Variants in SMURF1 observed in about 807,000 individuals in gnomAD.
SMURF1 encodes SMAD specific E3 ubiquitin protein ligase 1, also known as E3 ubiquitin-protein ligase SMURF1.
In SMURF1, 44 loss-of-function variants were observed where a neutral mutation model predicts 98.0. The observed-to-expected ratio is 0.45, with a 90% CI of 0.35 to 0.58. The LOEUF is 0.58. Ranked by LOEUF, SMURF1 falls within the 20% of genes least tolerant of loss-of-function variation. The pLI is 0.00. For missense variants in SMURF1, 687 were observed against 938.4 expected, an observed-to-expected ratio of 0.73 and a Z score of 3.50; for synonymous variants, 396 against 374.9, an observed-to-expected ratio of 1.06 and a Z score of -0.65.
chr7:99,132,846 C>G (rs951863572), intron 1 of SMURF1, among the ~76,000 whole-genome samples: 2 of 152,064 alleles, frequency 1.3e-5, no homozygotes, highest in Non-Finnish European at 2.9e-5. Flanking sequence ...GGCAGGATCA[C>G]AGAGGGAGTT....
intron 11 of SMURF1, among the ~76,000 whole-genome samples, chr7:99,043,626 A>G (rs1257827447): frequency 6.6e-6 from 1 of 152,248 alleles, no homozygotes; most frequent in Non-Finnish European, 1.5e-5. Flanking sequence ...AAGAAAGAAA[A>G]TGTGCGAAGA....
chr7:99,139,421 A>G (rs1188285712), intron 1 of SMURF1, among the ~76,000 whole-genome samples: 1 of 152,228 alleles, frequency 6.6e-6, no homozygotes, highest in Non-Finnish European at 1.5e-5. Flanking sequence ...GAGTATTTCA[A>G]TGCATAAAAG....
At chr7:99,039,078 A>G (rs971127732) in intron 13 of SMURF1, among the ~76,000 whole-genome samples, 1 of 151,000 alleles carries the variant, frequency 6.6e-6, no homozygotes, top group Non-Finnish European at 1.5e-5. Context: ...CTGTAGTCCC[A>G]GCTACTCAGG....
chr7:99,055,016 A>G, intron 5 of SMURF1, 151 bp from the exon 6 acceptor site: 1 of 652,036 alleles, frequency 1.5e-6, no homozygotes. Context: ...TATGCTTTCC[A>G]ATACGAAGCA....
chr7:99,061,944 G>T, intron 1 of SMURF1, 107 bp from the exon 2 acceptor site: 2 of 808,336 alleles, frequency 2.5e-6, no homozygotes, highest in Non-Finnish European at 3.8e-6. Flanking sequence ...TAGCTTTGCC[G>T]AAGATTTGAC....
At chr7:99,085,055 G>A (rs547236168) in intron 1 of SMURF1, among the ~76,000 whole-genome samples, 1 of 152,056 alleles carries the variant, frequency 6.6e-6, no homozygotes, top group African/African-American at 2.4e-5. Flanking sequence ...CACCATGGTT[G>A]AAAGTTTCCT....
chr7:99,093,707 T>G (rs971778789), intron 1 of SMURF1, among the ~76,000 whole-genome samples: 8 of 152,104 alleles, frequency 5.3e-5, no homozygotes, highest in Non-Finnish European at 1.0e-4. Flanking sequence ...CTTTCCTTAT[T>G]TAGAAAACTT....
chr7:99,047,000 CCTT>C (rs1244124369), intron 10 of SMURF1, among the ~76,000 whole-genome samples: 1 of 152,198 alleles, frequency 6.6e-6, no homozygotes, highest in Non-Finnish European at 1.5e-5. Flanking sequence ...TGCTCAGTCT[CCTT>C]TGATCATTTC....
At chr7:99,123,966 G>A (rs1440562496) in intron 1 of SMURF1, among the ~76,000 whole-genome samples, 2 of 152,194 alleles carry the variant, frequency 1.3e-5, no homozygotes, top group Non-Finnish European at 2.9e-5. Flanking sequence ...ACAACCTGAT[G>A]GGGTAGGTCT....
chr7:99,079,344 C>T (rs186374329), intron 1 of SMURF1, among the ~76,000 whole-genome samples: 61 of 152,318 alleles, frequency 4.0e-4, no homozygotes, highest in African/African-American at 1.4e-3. Context: ...AAGAACACAG[C>T]GTGTCCGGTA....
At chr7:99,121,446 C>T (rs1168783694) in intron 1 of SMURF1, among the ~76,000 whole-genome samples, 1 of 152,126 alleles carries the variant, frequency 6.6e-6, no homozygotes, top group Non-Finnish European at 1.5e-5. Context: ...TCCAAAACAA[C>T]ACCTAGTTTG....
chr7:99,041,917 A>ACC lies in SMURF1; in HGVS notation c.1371+199_1371+200dup, dbSNP rs538407414. On this transcript the variant is annotated intron_variant, in intron 12 of 17. Coordinates refer to ENST00000361368, the MANE Select transcript of SMURF1 (RefSeq NM_181349.3). Reference sequence around the variant, plus strand: ...CCCTTCATCTCCTTCAACACAGCACACCCAGTGATCACGATCTCTGAAAAT... The same window carrying ACC: ...CCCTTCATCTCCTTCAACACAGCACACCCCCAGTGATCACGATCTCTGAAAAT... Among the ~76,000 whole-genome samples, 10 of 152,250 alleles carry ACC rather than the reference A, an allele frequency of 6.6e-5. No individual in the cohort carries two copies. The East Asian group carries it at 1.7e-3, about 26-fold the overall frequency.
intron 11 of SMURF1, among the ~76,000 whole-genome samples, chr7:99,043,679 A>G (rs889393396): frequency 6.6e-6 from 1 of 152,262 alleles, no homozygotes; most frequent in Non-Finnish European, 1.5e-5. Flanking sequence ...ACATATTTAC[A>G]GAGACAAGTG....
intron 13 of SMURF1, among the ~76,000 whole-genome samples, chr7:99,040,010 G>A (rs999514988): frequency 2.0e-5 from 3 of 152,180 alleles, no homozygotes; most frequent in African/African-American, 2.4e-5. Flanking sequence ...GCCTGTTAAC[G>A]TCTGTGATCG....
intron 10 of SMURF1, 78 bp from the exon 11 acceptor site, chr7:99,045,879 CCG>C: frequency 1.8e-6 from 2 of 1,138,526 alleles, no homozygotes; most frequent in Non-Finnish European, 1.3e-6. Context: ...ATAATGGAGC[CCG>C]GTTAAGAACA....
At chr7:99,047,917 G>A (rs1795635126) in intron 9 of SMURF1, 35 bp from the exon 10 acceptor site, 1 of 1,604,498 alleles carries the variant, frequency 6.2e-7, no homozygotes, top group African/African-American at 1.3e-5. Flanking sequence ...TCACTCCGAA[G>A]CCCCGGCCAG....
rs572461205 is a variant in SMURF1, at chr7:99,029,431, C to A, written c.*1153G>T. 6.6e-6 allele frequency: 1 copy of A among 152,166 alleles called. No individual in the cohort carries two copies. The highest frequency in any genetic ancestry group is 1.5e-5 in the Non-Finnish European group (1 of 68,046). The allele number at this position is 152,166 out of a possible 1,614,324, so 9.4% of individuals were successfully genotyped here. ...TATGAAGACATCTGGGCAAGTGAAC[C>A]GAGTAGCAATCGTTAGTGTCACCAG... On this transcript the variant is annotated 3_prime_UTR_variant, in exon 18 of 18. Transcript: ENST00000361368.
chr7:99,046,175 AGTCTGAATGC>A (rs1795566276), intron 10 of SMURF1, among the ~76,000 whole-genome samples: 1 of 152,204 alleles, frequency 6.6e-6, no homozygotes, highest in Non-Finnish European at 1.5e-5. Context: ...GACATTAGAA[AGTCTGAATGC>A]TAAGAGAGTT....
At chr7:99,090,510 G>A (rs2150577822) in intron 1 of SMURF1, among the ~76,000 whole-genome samples, 1 of 152,176 alleles carries the variant, frequency 6.6e-6, no homozygotes, top group Middle Eastern at 3.4e-3. Context: ...AGGAGGAGTG[G>A]GAAAGGGCAG....
Sources: gnomAD v4.1 joint callset for allele counts (sites outside exome capture counted in the v4.1 genomes callset) on GRCh38, gnomAD v4.1.1 for gene constraint, MANE v1.5 for transcripts, NCBI Gene and HGNC (gene_info 2026-07-23, HGNC 2026-07-21) for gene names.